Variants in RGS6 observed in about 807,000 individuals in gnomAD.
RGS6 encodes the protein regulator of G protein signaling 6.
RGS6 carries 30 observed loss-of-function variants against 78.5 expected under a neutral mutation model. The ratio of observed to expected loss-of-function variants is 0.38; its 90% CI spans 0.29 to 0.52. The LOEUF is 0.52. Among genes scored for constraint, RGS6 ranks in the 20% least tolerant of loss-of-function variants. The probability of loss-of-function intolerance (pLI) is 0.85; values close to 1 mark genes in which losing one functional copy is unlikely to be tolerated. For synonymous variants in RGS6, 206 were observed against 206.0 expected (o/e 1.00, Z 0.00); for missense variants, 495 against 609.7 (o/e 0.81, Z 1.98).
chr14:71,908,477 T>C, the RGS6 span: 1 of 152,260 alleles, frequency 6.6e-6, no homozygotes, highest in Non-Finnish European at 1.5e-5. Context: ...CTTTCTGCTC[T>C]CAAGTGGTTC....
intron 2 of RGS6, among the ~76,000 whole-genome samples, chr14:72,157,801 G>A (rs1401026109): frequency 6.6e-6 from 1 of 152,070 alleles, no homozygotes; most frequent in Non-Finnish European, 1.5e-5. Context: ...GTAAGTGAGT[G>A]TAAAGATGCA....
At chr14:71,986,899 C>A (rs1289485565) in intron 2 of RGS6, among the ~76,000 whole-genome samples, 3 of 152,152 alleles carry the variant, frequency 2.0e-5, no homozygotes, top group Admixed American at 6.5e-5. Flanking sequence ...CCCACCTCTA[C>A]TCTTGGCATC....
intron 2 of RGS6, among the ~76,000 whole-genome samples, chr14:72,296,824 C>T (rs1401789331): frequency 2.6e-5 from 4 of 152,034 alleles, no homozygotes; most frequent in Admixed American, 6.6e-5. Flanking sequence ...ATGGTTATTG[C>T]GTTCTGTGTT....
intron 7 of RGS6, among the ~76,000 whole-genome samples, chr14:72,467,475 C>CCCAAGCCTA (rs145818863): frequency 1.3e-4 from 20 of 152,052 alleles, no homozygotes; most frequent in African/African-American, 2.4e-4. Flanking sequence ...GGTTCATGTT[C>CCCAAGCCTA]CCAAGCCTAC....
the RGS6 span, chr14:72,619,344 A>C: frequency 6.5e-7 from 1 of 1,536,162 alleles, no homozygotes. Flanking sequence ...AGCAGTTCCC[A>C]GCATAAGTGG....
the RGS6 span, among the ~76,000 whole-genome samples, chr14:72,627,071 C>T: frequency 3.9e-5 from 6 of 151,984 alleles, no homozygotes; most frequent in African/African-American, 1.4e-4. Flanking sequence ...AGCCCTTAAA[C>T]TGTGGTACAT....
intron 2 of RGS6, among the ~76,000 whole-genome samples, chr14:72,277,608 A>T (rs1024741238): frequency 4.1e-4 from 60 of 145,922 alleles, no homozygotes; most frequent in African/African-American, 1.4e-3. Flanking sequence ...AAATAAAAAA[A>T]AAAAATTTTA....
At chr14:72,015,420 G>A (rs918084935) in intron 2 of RGS6, among the ~76,000 whole-genome samples, 38 of 152,202 alleles carry the variant, frequency 2.5e-4, no homozygotes, top group Non-Finnish European at 4.6e-4. Context: ...GATTTGGAGA[G>A]GACAAGCAAA....
intron 2 of RGS6, among the ~76,000 whole-genome samples, chr14:72,285,689 TTTTGATAA>T (rs2152286866): frequency 6.6e-6 from 1 of 152,342 alleles, no homozygotes; most frequent in East Asian, 1.9e-4. Context: ...GCACTTGTCT[TTTTGATAA>T]TAGTCATCCT....
the RGS6 span, among the ~76,000 whole-genome samples, chr14:71,898,499 C>T: frequency 6.6e-6 from 1 of 152,158 alleles, no homozygotes; most frequent in African/African-American, 2.4e-5. Flanking sequence ...TATGTAGGTA[C>T]ACTTTTTTTT....
chr14:71,984,908 A>G (rs1312963205), intron 2 of RGS6, among the ~76,000 whole-genome samples: 1 of 152,170 alleles, frequency 6.6e-6, no homozygotes, highest in Non-Finnish European at 1.5e-5. Context: ...TCAAAATATA[A>G]AGTAGAGAAA....
intron 2 of RGS6, among the ~76,000 whole-genome samples, chr14:72,052,485 GA>G (rs1303704409): frequency 1.3e-5 from 2 of 152,162 alleles, no homozygotes; most frequent in East Asian, 3.9e-4. Flanking sequence ...GCAGTGATGA[GA>G]AGCCTCTTTC....
intron 2 of RGS6, among the ~76,000 whole-genome samples, chr14:72,025,803 A>G (rs1041500388): frequency 2.6e-5 from 4 of 152,194 alleles, no homozygotes; most frequent in African/African-American, 9.7e-5. Flanking sequence ...ATAATGAAAT[A>G]GAGGTTTAGG....
chr14:72,356,331 C>T (rs777017555), intron 3 of RGS6, among the ~76,000 whole-genome samples: 2 of 152,142 alleles, frequency 1.3e-5, no homozygotes, highest in Non-Finnish European at 2.9e-5. Flanking sequence ...CTCTCTCCTG[C>T]CGCTATGTAA....
chr14:72,486,705 T>G (rs2096493677), intron 12 of RGS6, among the ~76,000 whole-genome samples: 1 of 152,204 alleles, frequency 6.6e-6, no homozygotes, highest in Non-Finnish European at 1.5e-5. Context: ...ACTCTCTGCA[T>G]TAAGCTTAGA....
Position 72,422,112 on chromosome 14 carries a change from G to A in RGS6, c.185-32416G>A, listed in dbSNP as rs561093603. Among the ~76,000 whole-genome samples the A allele has an allele frequency of 3.9e-5, 6 of 152,248 alleles. No individual in the cohort carries two copies. In the East Asian group the frequency reaches 1.2e-3, roughly 29 times the overall value. On this transcript the variant is annotated intron_variant, in intron 3 of 17. Transcript: ENST00000553525. ...GTTCCCCTGCACAAGCTCTCCCTTT[G>A]CCTGCTGCCATCTATGTAAGACATG...
At chr14:71,981,717 C>G (rs1463848416) in intron 2 of RGS6, among the ~76,000 whole-genome samples, 1 of 151,214 alleles carries the variant, frequency 6.6e-6, no homozygotes, top group Non-Finnish European at 1.5e-5. Context: ...TTTAAGTCTG[C>G]AGAGGTTACT....
intron 2 of RGS6, among the ~76,000 whole-genome samples, chr14:72,016,132 C>T (rs2086912103): frequency 6.6e-6 from 1 of 152,080 alleles, no homozygotes; most frequent in Admixed American, 6.6e-5. Context: ...CTGCTCTATC[C>T]CAATGTCATA....
chr14:72,379,934 T>C (rs537034639), intron 3 of RGS6, among the ~76,000 whole-genome samples: 2 of 152,196 alleles, frequency 1.3e-5, no homozygotes, highest in East Asian at 3.9e-4. Context: ...AAAGCTGTAG[T>C]AACCAAAACA....
Sources: allele counts gnomAD v4.1 joint callset (sites outside exome capture counted in the v4.1 genomes callset), GRCh38; gene constraint gnomAD v4.1.1; transcripts MANE v1.5; gene names NCBI Gene and HGNC (gene_info 2026-07-23, HGNC 2026-07-21).